Variants in WSB1 observed in about 807,000 individuals in gnomAD.
The protein encoded by WSB1 is WD repeat and SOCS box-containing protein 1.
In WSB1, 23 loss-of-function variants were observed where a neutral mutation model predicts 50.2. That is an observed-to-expected ratio of 0.46 (90% CI 0.33 to 0.65). The LOEUF is 0.65. Among genes scored for constraint, WSB1 ranks in the 30% least tolerant of loss-of-function variants. WSB1 has a pLI of 0.02. For synonymous variants in WSB1, 179 were observed against 172.0 expected (o/e 1.04, Z -0.32); for missense variants, 492 against 522.3 (o/e 0.94, Z 0.56).
intron 8 of WSB1, 34 bp downstream of exon 8, chr17:27,311,650 T>C (rs1382714455): frequency 1.4e-6 from 2 of 1,462,264 alleles, no homozygotes; most frequent in Non-Finnish European, 1.8e-6. Context: ...TTTTTTTTTT[T>C]TTTTTTTTTG....
chr17:27,303,199 C>A (rs548881506), intron 2 of WSB1, 168 bp from the exon 3 acceptor site: 22 of 693,838 alleles, frequency 3.2e-5, no homozygotes, highest in Non-Finnish European at 4.3e-5. Flanking sequence ...GTCCTTCTCT[C>A]GTAGTTCAAA....
intron 7 of WSB1, among the ~76,000 whole-genome samples, chr17:27,311,032 G>A (rs2017659506): frequency 6.6e-6 from 1 of 151,894 alleles, no homozygotes; most frequent in Non-Finnish European, 1.5e-5. Context: ...AAAATTTTTT[G>A]TAGAGACAGG....
intron 4 of WSB1, among the ~76,000 whole-genome samples, chr17:27,306,451 G>A (rs2017462629): frequency 6.6e-6 from 1 of 152,062 alleles, no homozygotes; most frequent in South Asian, 2.1e-4. Context: ...CTGGCCTCAA[G>A]CAGTCCACCT....
chr17:27,294,763 G>T (rs2016880532), intron 1 of WSB1, among the ~76,000 whole-genome samples: 1 of 152,194 alleles, frequency 6.6e-6, no homozygotes, highest in South Asian at 2.1e-4. Flanking sequence ...GGACAGGGAA[G>T]GGCCACTCAG....
chr17:27,312,064 A>C, intron 8 of WSB1, 146 bp from the exon 9 acceptor site: 1 of 954,550 alleles, frequency 1.0e-6, no homozygotes, highest in Non-Finnish European at 1.5e-6. Context: ...CATGGAATAC[A>C]TCATTGGTTA....
In WSB1 at chr17:27,309,054, C is replaced by T. The variant is rs186958628; in HGVS notation, c.712-46C>T. The T allele has an allele frequency of 1.3e-3, 1,951 of 1,500,234 alleles. 4 individuals carry two copies. The highest frequency in any genetic ancestry group is 1.1e-3 in the Non-Finnish European group (1,259 of 1,120,700). The allele number at this position is 1,500,234 out of a possible 1,614,324, so 92.9% of individuals were successfully genotyped here. On this transcript the variant is annotated intron_variant, in intron 5 of 8. Coordinates refer to ENST00000262394, the MANE Select transcript of WSB1 (RefSeq NM_015626.10). ...TTAGTATAAGATGTGCCATTTTGTC[C>T]TCTGTATGTCTGAATGAAGCTATAA...
rs2017811400 is a variant in WSB1 at position 27,315,437 on chromosome 17, A to C, written c.*3068A>C. 6.6e-6 allele frequency: 1 copy of C among 152,208 alleles called. No homozygotes were observed. The allele number at this position is 152,208 out of a possible 1,614,324, so 9.4% of individuals were successfully genotyped here. A position where few individuals can be genotyped will look rare whatever the true frequency, so the allele number is the denominator to read the frequency against. On this transcript the variant is annotated 3_prime_UTR_variant, in exon 9 of 9. Coordinates refer to ENST00000262394, the MANE Select transcript of WSB1 (RefSeq NM_015626.10). ...AATCTTAAACTTAACGATCCTTGAA[A>C]TTTCCTGCCTGCTGTGACTGTGATG...
rs748274234 is a variant in WSB1, at chr17:27,312,220, G to A, written c.1117G>A (p.Gly373Arg). Residue 373 changes from glycine (G) to arginine (R), a missense_variant, in exon 9 of 9, where the codon GGA becomes AGA. By Grantham distance (125) the Gly-to-Arg change is moderately radical (BLOSUM62 -2). Transcript: ENST00000262394. ...TTTGTTTCTGTTTAGGACACATGAC[G>A]GAAGTGTGTATTTTTGGGCCACTCC... is the stretch of plus-strand genomic sequence containing the variant. Reference protein sequence around the residue: ...GSVLAAGTHDGSVYFWATPRQ... With the variant: ...GSVLAAGTHDRSVYFWATPRQ... The A allele has an allele frequency of 3.1e-6, 5 of 1,611,358 alleles. No homozygotes were observed. The highest frequency in any genetic ancestry group is 2.2e-5 in the East Asian group (1 of 44,852).
At chr17:27,309,534 G>A (rs1450176560) in intron 6 of WSB1, among the ~76,000 whole-genome samples, 1 of 151,924 alleles carries the variant, frequency 6.6e-6, no homozygotes, top group Non-Finnish European at 1.5e-5. Flanking sequence ...TTTTGTTGGA[G>A]AAAAACAGTT....
chr17:27,297,464 C>T (rs988537069), intron 1 of WSB1, among the ~76,000 whole-genome samples: 8 of 151,694 alleles, frequency 5.3e-5, no homozygotes, highest in Admixed American at 1.3e-4. Flanking sequence ...CCACTGCCCC[C>T]GGCCTACTCT....
chr17:27,308,517 G>GAACAAAA, intron 5 of WSB1: 1 of 985,652 alleles, frequency 1.0e-6, no homozygotes, highest in Non-Finnish European at 1.2e-6. Context: ...ATTTTGTAAT[G>GAACAAAA]TGGTTTAACA....
At chr17:27,309,887 G>T (rs1235349474) in intron 6 of WSB1, among the ~76,000 whole-genome samples, 174 bp from the exon 7 acceptor site, 1 of 152,154 alleles carries the variant, frequency 6.6e-6, no homozygotes, top group Non-Finnish European at 1.5e-5. Flanking sequence ...GACCATAAAA[G>T]ATTAGTTCTT....
At chr17:27,311,641 T>C (rs1443440734) in intron 8 of WSB1, 25 bp downstream of exon 8, 2 of 1,437,760 alleles carry the variant, frequency 1.4e-6, no homozygotes, top group Admixed American at 2.3e-5. Context: ...CTCTTTTTTT[T>C]TTTTTTTTTT....
chr17:27,308,896 T>G, intron 5 of WSB1: 1 of 1,196,616 alleles, frequency 8.4e-7, no homozygotes, highest in Non-Finnish European at 1.0e-6. Context: ...AACAGAAACA[T>G]TTGAAATAGA....
Position 27,315,667 on chromosome 17 carries a change from C to T in WSB1, c.*3298C>T, listed in dbSNP as rs1248436755. 1 of 152,086 alleles carries T rather than the reference C, an allele frequency of 6.6e-6. No homozygotes were observed. The highest frequency in any genetic ancestry group is 1.5e-5 in the Non-Finnish European group (1 of 68,028). 9.4% of individuals were successfully genotyped at this position (152,086 alleles called of 1,614,324 possible). Reference sequence around the variant, plus strand: ...CAGTGATTACAACCTCCATATTAATCAGATGAGGGTTTGTAGGTGACATAG... The same window carrying T: ...CAGTGATTACAACCTCCATATTAATTAGATGAGGGTTTGTAGGTGACATAG... On this transcript the variant is annotated 3_prime_UTR_variant, in exon 9 of 9. Transcript: ENST00000262394.
chr17:27,304,731 C>T, intron 3 of WSB1, 49 bp from the exon 4 acceptor site: 1 of 1,576,510 alleles, frequency 6.3e-7, no homozygotes. Context: ...AAGAACAAAA[C>T]AAAAATATAT....
chr17:27,305,164 ACTAT>A (rs1224819525), intron 4 of WSB1, among the ~76,000 whole-genome samples: 1 of 152,214 alleles, frequency 6.6e-6, no homozygotes, highest in East Asian at 1.9e-4. Flanking sequence ...ATCTGTATCA[ACTAT>A]CTGAGGACCA....
chr17:27,305,276 G>C (rs2017400828), intron 4 of WSB1, among the ~76,000 whole-genome samples: 2 of 152,134 alleles, frequency 1.3e-5, no homozygotes, highest in Admixed American at 1.3e-4. Flanking sequence ...TGAAAATTTA[G>C]GTAGGTCTTG....
chr17:27,298,945 C>T (rs76543333), intron 1 of WSB1, among the ~76,000 whole-genome samples: 4,962 of 152,234 alleles, frequency 0.033, 124 homozygotes, highest in Admixed American at 0.059. Flanking sequence ...GTCCCTGCTA[C>T]AGCTACTCAG....
Sources: allele counts gnomAD v4.1 joint callset (sites outside exome capture counted in the v4.1 genomes callset), GRCh38; gene constraint gnomAD v4.1.1; transcripts MANE v1.5; gene names NCBI Gene and HGNC (gene_info 2026-07-23, HGNC 2026-07-21).